Variants in ANKRD44 observed in about 807,000 individuals in gnomAD.
The protein encoded by ANKRD44 is serine/threonine-protein phosphatase 6 regulatory ankyrin repeat subunit B.
Under a neutral mutation model 116.0 loss-of-function variants are expected in ANKRD44, and 35 were observed. That is an observed-to-expected ratio of 0.30 (90% CI 0.23 to 0.40). The LOEUF (loss-of-function observed/expected upper bound fraction) is 0.40, where lower values mean the gene tolerates loss of function less well. Among genes scored for constraint, ANKRD44 ranks in the 10% least tolerant of loss-of-function variants. The pLI, the probability that ANKRD44 is intolerant of heterozygous loss-of-function variation, is 1.00. For synonymous variants in ANKRD44, 435 were observed against 461.8 expected, an observed-to-expected ratio of 0.94 and a Z score of 0.74; for missense variants, 1,014 against 1,242.6, an observed-to-expected ratio of 0.82 and a Z score of 2.77.
intron 1 of ANKRD44, among the ~76,000 whole-genome samples, chr2:197,281,620 G>A (rs1445811841): frequency 6.6e-6 from 1 of 152,158 alleles, no homozygotes; most frequent in East Asian, 1.9e-4. Context: ...ATCAGCAGAT[G>A]TGTTTGGAAA....
chr2:197,168,571 C>T (rs976371757), intron 2 of ANKRD44, among the ~76,000 whole-genome samples: 22 of 152,142 alleles, frequency 1.4e-4, no homozygotes, highest in Admixed American at 5.9e-4. Flanking sequence ...CTGTCCCCTG[C>T]GAAGCAACTC....
At position 197,066,627 on chromosome 2, in the gene ANKRD44, G is replaced by GCATTCTTAT. The variant is rs1270943837; in HGVS notation, c.1650+12067_1650+12075dup. ...CAACATCAATGTGCAAAAATCACAAGCATTCTTATACACCAATAACAGACA... is the reference window on the plus strand; with the variant it reads ...CAACATCAATGTGCAAAAATCACAAGCATTCTTATCATTCTTATACACCAATAACAGACA... On this transcript the variant is annotated intron_variant, in intron 16 of 27. Coordinates refer to ENST00000282272, the MANE Select transcript of ANKRD44 (RefSeq NM_001195144.2). 5.3e-5 allele frequency among the ~76,000 whole-genome samples: 8 copies of GCATTCTTAT among 152,238 alleles called. No homozygotes were observed. In the East Asian group the frequency reaches 1.5e-3, roughly 29 times the overall value.
intron 17 of ANKRD44, 96 bp downstream of exon 17, chr2:197,025,100 C>T: frequency 8.0e-7 from 1 of 1,247,860 alleles, no homozygotes; most frequent in South Asian, 1.3e-5. Flanking sequence ...CCACTCATCA[C>T]TGTGTTACTA....
At chr2:197,086,337 T>C (rs1268459648) in intron 13 of ANKRD44, among the ~76,000 whole-genome samples, 2 of 152,110 alleles carry the variant, frequency 1.3e-5, no homozygotes, top group East Asian at 3.8e-4. Context: ...ATACATATAA[T>C]AAAATATTCT....
At chr2:197,020,419 A>G (rs186397466) in intron 17 of ANKRD44, among the ~76,000 whole-genome samples, 207 of 152,330 alleles carry the variant, frequency 1.4e-3, no homozygotes, top group African/African-American at 4.6e-3. Flanking sequence ...GGGGTGTCCA[A>G]TCTTTTGGCT....
chr2:197,178,471 TAA>T (rs59834536), intron 2 of ANKRD44, among the ~76,000 whole-genome samples: 1 of 144,446 alleles, frequency 6.9e-6, no homozygotes, highest in African/African-American at 2.5e-5. Context: ...ACCCTGTCTC[TAA>T]AAAAAAAAAA....
chr2:197,215,717 A>T (rs1386785704), intron 1 of ANKRD44, among the ~76,000 whole-genome samples: 1 of 152,214 alleles, frequency 6.6e-6, no homozygotes, highest in East Asian at 1.9e-4. Context: ...CCTGTCACTA[A>T]GTAGCCATTT....
chr2:197,098,146 C>A (rs1264001233), intron 10 of ANKRD44, among the ~76,000 whole-genome samples: 1 of 152,162 alleles, frequency 6.6e-6, no homozygotes. Context: ...ATCTCTCTCA[C>A]TCTGTTCCCA....
At chr2:197,105,482 T>C (rs1233155175) in intron 9 of ANKRD44, among the ~76,000 whole-genome samples, 1 of 152,186 alleles carries the variant, frequency 6.6e-6, no homozygotes, top group Non-Finnish European at 1.5e-5. Flanking sequence ...TAAATATCTT[T>C]ACATATATTC....
intron 10 of ANKRD44, among the ~76,000 whole-genome samples, chr2:197,098,486 A>G (rs548541183): frequency 1.3e-5 from 2 of 152,322 alleles, no homozygotes; most frequent in African/African-American, 4.8e-5. Flanking sequence ...CACTGCTTTC[A>G]TAAGGTTTTT....
rs999815793 is a variant in ANKRD44 at position 197,156,519 on chromosome 2, T to C, written c.112-9414A>G. Reference sequence around the variant, plus strand: ...CTGCTAGTAGGAGTGGGAAATGATATAGTCACTTTGAAAAACAGTTTGGCA... The same window carrying C: ...CTGCTAGTAGGAGTGGGAAATGATACAGTCACTTTGAAAAACAGTTTGGCA... On this transcript the variant is annotated intron_variant, in intron 2 of 27. Coordinates refer to ENST00000282272, the MANE Select transcript of ANKRD44 (RefSeq NM_001195144.2). Among the ~76,000 whole-genome samples, 3 of 152,216 alleles carry C rather than the reference T, an allele frequency of 2.0e-5. No individual in the cohort carries two copies. In the East Asian group the frequency reaches 5.8e-4, roughly 29 times the overall value.
intron 4 of ANKRD44, among the ~76,000 whole-genome samples, chr2:197,129,416 T>C (rs1352537228): frequency 6.6e-6 from 1 of 152,216 alleles, no homozygotes; most frequent in Non-Finnish European, 1.5e-5. Context: ...GTTACAGGCA[T>C]GAGCCACCGC....
chr2:197,283,579 T>G (rs1453369204), intron 1 of ANKRD44, among the ~76,000 whole-genome samples: 2 of 152,214 alleles, frequency 1.3e-5, no homozygotes, highest in Non-Finnish European at 2.9e-5. Flanking sequence ...ATAAAATAAT[T>G]ACAGCCTTAA....
intron 21 of ANKRD44, among the ~76,000 whole-genome samples, chr2:196,980,605 A>G (rs928279371): frequency 6.6e-6 from 1 of 152,194 alleles, no homozygotes; most frequent in African/African-American, 2.4e-5. Context: ...TCAATTTTTC[A>G]TTGTTATCAC....
At chr2:197,010,559 T>G (rs1373737397) in intron 18 of ANKRD44, among the ~76,000 whole-genome samples, 1 of 152,188 alleles carries the variant, frequency 6.6e-6, no homozygotes, top group Non-Finnish European at 1.5e-5. Flanking sequence ...AAGGCTGTAG[T>G]GGTCCCACAG....
At chr2:197,197,387 T>C (rs1463089107) in intron 1 of ANKRD44, among the ~76,000 whole-genome samples, 3 of 152,222 alleles carry the variant, frequency 2.0e-5, no homozygotes, top group Admixed American at 2.0e-4. Flanking sequence ...CTTTATTTCT[T>C]TACACACTAC....
chr2:197,233,704 C>T (rs2081917037), intron 1 of ANKRD44, among the ~76,000 whole-genome samples: 1 of 152,172 alleles, frequency 6.6e-6, no homozygotes, highest in Non-Finnish European at 1.5e-5. Flanking sequence ...CAAGTTTAAC[C>T]TCAGTCACCT....
intron 1 of ANKRD44, among the ~76,000 whole-genome samples, chr2:197,239,885 C>T (rs964081699): frequency 2.0e-5 from 3 of 152,098 alleles, no homozygotes; most frequent in Non-Finnish European, 4.4e-5. Context: ...AAAACTAATG[C>T]AACCAATCTG....
intron 1 of ANKRD44, among the ~76,000 whole-genome samples, chr2:197,195,050 A>C (rs1053174684): frequency 2.0e-5 from 3 of 152,212 alleles, no homozygotes; most frequent in African/African-American, 7.2e-5. Flanking sequence ...CATATAGCTC[A>C]TTACCACCTC....
Sources: allele counts gnomAD v4.1 joint callset (sites outside exome capture counted in the v4.1 genomes callset), GRCh38; gene constraint gnomAD v4.1.1; transcripts MANE v1.5; gene names NCBI Gene and HGNC (gene_info 2026-07-23, HGNC 2026-07-21).